Variants in EXOG observed in about 807,000 individuals in gnomAD.
The protein encoded by EXOG is nuclease EXOG, mitochondrial.
Under a neutral mutation model 25.8 loss-of-function variants are expected in EXOG, and 27 were observed. The observed-to-expected ratio is 1.05, with a 90% CI of 0.77 to 1.45. The LOEUF is 1.45. Among genes scored for constraint, EXOG ranks in the 40% most tolerant of loss-of-function variants. The pLI, the probability that EXOG is intolerant of heterozygous loss-of-function variation, is 0.00. For missense variants in EXOG, 458 were observed against 450.5 expected, an observed-to-expected ratio of 1.02 and a Z score of -0.15; for synonymous variants, 133 against 167.0, an observed-to-expected ratio of 0.80 and a Z score of 1.57.
In EXOG at chr3:38,522,632, G is replaced by A. The variant is rs142391672; in HGVS notation, c.646-1269G>A. Reference sequence around the variant, plus strand: ...TGATTCTTTTGCCTCAGCCTCCCGAGTAGCAGGGATTACAGGCATGCGCCA... The same window carrying A: ...TGATTCTTTTGCCTCAGCCTCCCGAATAGCAGGGATTACAGGCATGCGCCA... On this transcript the variant is annotated intron_variant, in intron 5 of 5. Coordinates refer to ENST00000287675, the MANE Select transcript of EXOG (RefSeq NM_005107.4). Among the ~76,000 whole-genome samples the A allele has an allele frequency of 5.9e-3, 904 of 152,294 alleles. 9 individuals are homozygous for A. The highest frequency in any genetic ancestry group is 0.02 in the African/African-American group (847 of 41,548).
intron 5 of EXOG, chr3:38,515,523 GC>G: frequency 5.4e-6 from 1 of 185,220 alleles, no homozygotes; most frequent in Non-Finnish European, 1.2e-5. Context: ...TCTGGTCCTG[GC>G]CCAGGGCCAG....
At position 38,525,834 on chromosome 3, in the gene EXOG, C is replaced by T; in HGVS notation, c.*1472C>T. The T allele has an allele frequency of 5.2e-6, 2 of 386,970 alleles. No individual in the cohort carries two copies. Among genetic ancestry groups the T allele is most frequent in the Non-Finnish European group, 7.1e-6 (2 of 283,064 alleles). The allele number at this position is 386,970 out of a possible 1,614,324, so 24.0% of individuals were successfully genotyped here. ...TGGTGCACACCTGTAGTCCCAGCTA[C>T]TCGGGAGGCTGAAATGGGAGGATTG... On this transcript the variant is annotated 3_prime_UTR_variant, in exon 6 of 6. Transcript: ENST00000287675.
chr3:38,523,892 T>C lies in EXOG; in HGVS notation c.646-9T>C. The C allele has an allele frequency of 6.6e-7, 1 of 1,515,396 alleles. No homozygotes were observed. The highest frequency in any genetic ancestry group is 8.8e-7 in the Non-Finnish European group (1 of 1,132,654). The allele number at this position is 1,515,396 out of a possible 1,614,324, so 93.9% of individuals were successfully genotyped here. On this transcript the variant is annotated splice_polypyrimidine_tract_variant and intron_variant, in intron 5 of 5. Transcript: ENST00000287675. ...ATTGGCATCACTAATATGGCTGCTT[T>C]GTTTTTAGGTGATTGGCGAGGACAA...
intron 3 of EXOG, among the ~76,000 whole-genome samples, chr3:38,501,698 G>A (rs2060049355): frequency 6.6e-6 from 1 of 152,176 alleles, no homozygotes; most frequent in African/African-American, 2.4e-5. Flanking sequence ...TAAGTGCTAT[G>A]TGAAGGGAAC....
At chr3:38,496,827 T>C (rs1364111070) in intron 1 of EXOG, 1 of 1,388,044 alleles carries the variant, frequency 7.2e-7, no homozygotes, top group Non-Finnish European at 9.5e-7. Flanking sequence ...TTTTAATGTC[T>C]GTGTTCTCTA....
intron 5 of EXOG, among the ~76,000 whole-genome samples, chr3:38,510,798 T>A (rs2060345095): frequency 6.6e-6 from 1 of 152,106 alleles, no homozygotes; most frequent in Non-Finnish European, 1.5e-5. Flanking sequence ...AAAAGAGACC[T>A]ATCAGCTCTC....
In EXOG at chr3:38,501,364, A is replaced by T. The variant is rs774135514; in HGVS notation, c.323A>T (p.Asp108Val). 6.2e-7 allele frequency: 1 copy of T among 1,613,448 alleles called. No homozygotes were observed. The highest frequency in any genetic ancestry group is 1.1e-5 in the South Asian group (1 of 91,064). The change falls in exon 3 of 6, where the codon GAC becomes GTC. Residue 108 changes from aspartate to valine, a missense_variant. By Grantham distance (152) the Asp-to-Val change is radical. Coordinates refer to ENST00000287675, the MANE Select transcript of EXOG (RefSeq NM_005107.4). ...GTGTGTTTTTCTTCAGGTGATGCAGACAGAAAGCATTGTAAATTTAAGCCT... is the reference window on the plus strand; with the variant it reads ...GTGTGTTTTTCTTCAGGTGATGCAGTCAGAAAGCATTGTAAATTTAAGCCT... Reference protein sequence around the residue: ...ISKSKIMGDADRKHCKFKPDP... With the variant: ...ISKSKIMGDAVRKHCKFKPDP...
chr3:38,513,357 C>T (rs915871420), intron 5 of EXOG, among the ~76,000 whole-genome samples: 6 of 152,102 alleles, frequency 3.9e-5, no homozygotes, highest in Admixed American at 1.3e-4. Context: ...AGTTTGTAAT[C>T]CAAGATCTAT....
chr3:38,513,386 C>T (rs948647859), intron 5 of EXOG, among the ~76,000 whole-genome samples: 1 of 152,126 alleles, frequency 6.6e-6, no homozygotes, highest in East Asian at 1.9e-4. Context: ...ATTTAACCAG[C>T]ATTTATATTA....
At chr3:38,519,797 A>G (rs772205077) in intron 5 of EXOG, among the ~76,000 whole-genome samples, 9 of 152,222 alleles carry the variant, frequency 5.9e-5, no homozygotes, top group Non-Finnish European at 1.2e-4. Context: ...GTGCTGCCAC[A>G]AAAGCATCTG....
At chr3:38,514,883 G>C (rs1226657930) in intron 5 of EXOG, among the ~76,000 whole-genome samples, 4 of 146,332 alleles carry the variant, frequency 2.7e-5, no homozygotes, top group Non-Finnish European at 5.9e-5. Context: ...CAATTCTTCT[G>C]CCTCAGCCTC....
intron 1 of EXOG, chr3:38,497,299 G>A: frequency 9.5e-7 from 1 of 1,048,064 alleles, no homozygotes; most frequent in Non-Finnish European, 1.1e-6. Context: ...CTGTCATCTT[G>A]CAACAGCACA....
chr3:38,497,235 C>G, intron 1 of EXOG: 5 of 1,014,522 alleles, frequency 4.9e-6, no homozygotes, highest in Non-Finnish European at 4.7e-6. Flanking sequence ...GAAACTGACT[C>G]ACTGCTGAAT....
intron 5 of EXOG, among the ~76,000 whole-genome samples, chr3:38,522,500 T>C (rs1266216931): frequency 6.6e-6 from 1 of 152,148 alleles, no homozygotes; most frequent in East Asian, 1.9e-4. Context: ...AAAAGCCTTT[T>C]TGTTTTGTTT....
intron 2 of EXOG, chr3:38,498,839 G>A: frequency 2.3e-6 from 1 of 437,730 alleles, no homozygotes. Context: ...GTAAGCAGGT[G>A]TGTCAGTTTA....
chr3:38,521,963 A>G (rs1252279247), intron 5 of EXOG, among the ~76,000 whole-genome samples: 5 of 152,220 alleles, frequency 3.3e-5, no homozygotes, highest in Admixed American at 3.3e-4. Context: ...GGACTTCCAT[A>G]GGGTTCTCCC....
At position 38,497,778 on chromosome 3, in the gene EXOG, G is replaced by A; in HGVS notation, c.313G>A (p.Gly105Ser). Residue 105 changes from glycine (G) to serine (S), a missense_variant and splice_region_variant, in exon 2 of 6, where the codon GGT becomes AGT. This residue lies in a region of EXOG where 275 missense variants were observed against 230.5 expected (regional missense o/e 1.19). Coordinates refer to ENST00000287675, the MANE Select transcript of EXOG (RefSeq NM_005107.4). Reference protein sequence around the residue: ...LEHISKSKIMGDADRKHCKFK... With the variant: ...LEHISKSKIMSDADRKHCKFK... Reference sequence around the variant, plus strand: ...ACATATTTCCAAAAGCAAGATAATGGGTAGGTGGTTGGATAAAAAAACTGA... The same window carrying A: ...ACATATTTCCAAAAGCAAGATAATGAGTAGGTGGTTGGATAAAAAAACTGA... 1 of 1,590,212 alleles carries A rather than the reference G, an allele frequency of 6.3e-7. No homozygotes were observed. Among genetic ancestry groups the A allele is most frequent in the Non-Finnish European group, 8.5e-7 (1 of 1,173,826 alleles).
intron 2 of EXOG, chr3:38,499,745 C>G (rs977744869): frequency 2.5e-5 from 11 of 440,328 alleles, no homozygotes; most frequent in Admixed American, 1.1e-4. Context: ...GCTGGGATTA[C>G]AGGTATGTGC....
intron 5 of EXOG, among the ~76,000 whole-genome samples, chr3:38,521,973 C>T (rs1263147786): frequency 6.6e-6 from 1 of 152,148 alleles, no homozygotes; most frequent in Non-Finnish European, 1.5e-5. Context: ...AGGGTTCTCC[C>T]TCAGTATATT....
Sources: gnomAD v4.1 joint callset for allele counts (sites outside exome capture counted in the v4.1 genomes callset) on GRCh38, gnomAD v4.1.1 for gene constraint, gnomAD v4.1.1 regional missense constraint, MANE v1.5 for transcripts, NCBI Gene and HGNC (gene_info 2026-07-23, HGNC 2026-07-21) for gene names.